MDM2: variants seen among roughly 807,000 people sequenced by gnomAD.
MDM2 encodes E3 ubiquitin-protein ligase Mdm2.
MDM2 carries 11 observed loss-of-function variants against 64.3 expected under a neutral mutation model. The observed-to-expected ratio is 0.17, with a 90% CI of 0.11 to 0.28. The LOEUF is 0.28. MDM2 is among the 10% of genes least tolerant of loss of function. The pLI, the probability that MDM2 is intolerant of heterozygous loss-of-function variation, is 1.00. For synonymous variants in MDM2, 194 were observed against 192.9 expected (o/e 1.01, Z -0.05); for missense variants, 388 against 577.1 (o/e 0.67, Z 3.36).
At chr12:68,838,145 T>A (rs1883458916) in intron 10 of MDM2, among the ~76,000 whole-genome samples, 1 of 152,186 alleles carries the variant, frequency 6.6e-6, no homozygotes, top group Admixed American at 6.5e-5. Flanking sequence ...CTTCTATAAC[T>A]TGAAAAAAGA....
intron 10 of MDM2, among the ~76,000 whole-genome samples, chr12:68,838,820 A>G (rs368908488): frequency 5.1e-4 from 77 of 152,324 alleles, no homozygotes; most frequent in African/African-American, 1.7e-3. Flanking sequence ...CACAGTTAAT[A>G]TATTTTTAGT....
intron 2 of MDM2, among the ~76,000 whole-genome samples, chr12:68,812,621 A>C (rs1881003762): frequency 6.6e-6 from 1 of 152,082 alleles, no homozygotes; most frequent in African/African-American, 2.4e-5. Flanking sequence ...TTAGTTTTTA[A>C]ATTTTTTTTG....
In MDM2 at chr12:68,842,830, A is replaced by G. The variant is rs1188175928; in HGVS notation, c.*2981A>G. On this transcript the variant is annotated 3_prime_UTR_variant, in exon 11 of 11. Coordinates refer to ENST00000258149, the MANE Select transcript of MDM2 (RefSeq NM_002392.6). ...ATTTTAATATTTCTTATTTTGGTTT[A>G]TTAGTGTCTTAGAACAAAATGGCCT... 1 of 201,972 alleles carries G rather than the reference A, an allele frequency of 5.0e-6. No homozygotes were observed. The highest frequency in any genetic ancestry group is 1.0e-5 in the Non-Finnish European group (1 of 98,174). 12.5% of individuals were successfully genotyped at this position (201,972 alleles called of 1,614,324 possible).
chr12:68,842,136 A>G lies in MDM2; in HGVS notation c.*2287A>G. Reference sequence around the variant, plus strand: ...TGGATTTGAATTTGAAAAATATAGTAACAAGCCTGTCAAATATCTGCAAGA... The same window carrying G: ...TGGATTTGAATTTGAAAAATATAGTGACAAGCCTGTCAAATATCTGCAAGA... On this transcript the variant is annotated 3_prime_UTR_variant, in exon 11 of 11. Transcript: ENST00000258149. 1 of 455,780 alleles carries G rather than the reference A, an allele frequency of 2.2e-6. No individual in the cohort carries two copies. The highest frequency in any genetic ancestry group is 4.2e-6 in the Non-Finnish European group (1 of 235,428). 28.2% of individuals were successfully genotyped at this position (455,780 alleles called of 1,614,324 possible).
chr12:68,815,433 C>CTTTTTTTTTT (rs58178593), intron 3 of MDM2, among the ~76,000 whole-genome samples: 83 of 93,058 alleles, frequency 8.9e-4, no homozygotes, highest in African/African-American at 3.2e-3. Flanking sequence ...GTTTCTTCTT[C>CTTTTTTTTTT]TTTTTTTTTT....
At position 68,824,616 on chromosome 12, in the gene MDM2, C is replaced by G. The variant is rs1340897471; in HGVS notation, c.488C>G (p.Ser163Cys). ...TCTTCACATTTGGTTTCTAGACCAT[C>G]TACCTCATCTAGAAGGAGAGCAATT... ...PSSSHLVSRPSTSSRRRAISE... is the reference protein window; with the variant it reads ...PSSSHLVSRPCTSSRRRAISE... Residue 163 changes from serine (S) to cysteine (C), a missense_variant, in exon 7 of 11, where the codon TCT (serine) becomes TGT (cysteine). Ser to Cys is a moderately radical substitution (Grantham distance 112, BLOSUM62 -1). Coordinates refer to ENST00000258149, the MANE Select transcript of MDM2 (RefSeq NM_002392.6). The G allele has an allele frequency of 1.1e-5, 18 of 1,612,336 alleles. No homozygotes were observed. Among genetic ancestry groups the G allele is most frequent in the Non-Finnish European group, 1.4e-5 (17 of 1,179,176 alleles).
intron 2 of MDM2, 64 bp from the exon 3 acceptor site, chr12:68,813,490 G>A: frequency 1.8e-6 from 2 of 1,089,228 alleles, no homozygotes; most frequent in South Asian, 1.4e-5. Context: ...GGATATGTTT[G>A]CTGCAGGGCC....
Position 68,839,633 on chromosome 12 carries a change from A to G in MDM2, c.1278A>G (p.Gln426=). The G allele has an allele frequency of 6.2e-7, 1 of 1,613,934 alleles. No homozygotes were observed. The highest frequency in any genetic ancestry group is 2.2e-5 in the East Asian group (1 of 44,860). The change falls in exon 11 of 11, where the codon CAA becomes CAG. Residue 426 remains glutamine (Q), a synonymous_variant. Coordinates refer to ENST00000258149, the MANE Select transcript of MDM2 (RefSeq NM_002392.6). ...DVKEFEREET[Q]DKEESVESSL... is the part of the protein sequence containing the mutation. ...AAGAGTTTGAAAGGGAAGAAACCCA[A>G]GACAAAGAAGAGAGTGTGGAATCTA...
chr12:68,813,018 A>G (rs967643878), intron 2 of MDM2, among the ~76,000 whole-genome samples: 1 of 151,884 alleles, frequency 6.6e-6, no homozygotes, highest in African/African-American at 2.4e-5. Context: ...TCAAGTAGAT[A>G]TTTGAAATGT....
rs1379580720 is a variant in MDM2, at chr12:68,824,343, T to TC, written c.359-18dup. On this transcript the variant is annotated intron_variant, in intron 5 of 10. Coordinates refer to ENST00000258149, the MANE Select transcript of MDM2 (RefSeq NM_002392.6). ...CCCCCGCCCACCACCAAGTTTCTGATCCTTTTTCTTTTCTCTCAGAATCAT... is the reference window on the plus strand; with the variant it reads ...CCCCCGCCCACCACCAAGTTTCTGATCCCTTTTTCTTTTCTCTCAGAATCAT... 4 of 1,607,134 alleles carry TC rather than the reference T, an allele frequency of 2.5e-6. No individual in the cohort carries two copies. The highest frequency in any genetic ancestry group is 3.4e-6 in the Non-Finnish European group (4 of 1,175,324).
At chr12:68,836,199 C>T (rs1883295131) in intron 9 of MDM2, among the ~76,000 whole-genome samples, 1 of 152,002 alleles carries the variant, frequency 6.6e-6, no homozygotes, top group South Asian at 2.1e-4. Context: ...GCCAAGAAGT[C>T]AATAGACCTC....
intron 5 of MDM2, among the ~76,000 whole-genome samples, chr12:68,822,091 A>G (rs1881905643): frequency 6.6e-6 from 1 of 152,110 alleles, no homozygotes; most frequent in Non-Finnish European, 1.5e-5. Flanking sequence ...AGCTCAAGAG[A>G]TATTCTCACC....
chr12:68,817,269 A>G (rs1224914421), intron 4 of MDM2, among the ~76,000 whole-genome samples: 3 of 152,236 alleles, frequency 2.0e-5, no homozygotes, highest in Non-Finnish European at 2.9e-5. Context: ...CGTTGTATAA[A>G]AAAGCATAGT....
chr12:68,819,616 T>G (rs1881682288), intron 4 of MDM2, among the ~76,000 whole-genome samples: 1 of 152,204 alleles, frequency 6.6e-6, no homozygotes, highest in African/African-American at 2.4e-5. Flanking sequence ...CTCAGTCTCC[T>G]GAGTAGCTGG....
At chr12:68,809,142 T>G in intron 1 of MDM2, 66 bp from the exon 2 acceptor site, 1 of 1,597,868 alleles carries the variant, frequency 6.3e-7, no homozygotes, top group South Asian at 1.1e-5. Context: ...GTTCTTTATA[T>G]ATGATGTATT....
chr12:68,846,494 C>T (rs1795474), downstream of MDM2: 51,515 of 151,908 alleles, frequency 0.34, 9,494 homozygotes, highest in Non-Finnish European at 0.42. Flanking sequence ...TGGTTCACAC[C>T]TCCCCAGCCC....
intron 9 of MDM2, 48 bp downstream of exon 9, chr12:68,836,032 T>C (rs759510005): frequency 6.9e-7 from 1 of 1,442,646 alleles, no homozygotes; most frequent in South Asian, 1.4e-5. Flanking sequence ...TATTAAATAT[T>C]TTCTATGTTC....
chr12:68,809,411 TAA>T, intron 2 of MDM2, 119 bp downstream of exon 2: 1 of 897,568 alleles, frequency 1.1e-6, no homozygotes, highest in South Asian at 1.4e-5. Context: ...GTGCATAGCT[TAA>T]AGTGTGCTAC....
At chr12:68,822,229 A>T (rs1254358917) in intron 5 of MDM2, among the ~76,000 whole-genome samples, 1 of 152,166 alleles carries the variant, frequency 6.6e-6, no homozygotes, top group Non-Finnish European at 1.5e-5. Flanking sequence ...GTGTTTTATT[A>T]ATATGGTATT....
Sources: allele counts gnomAD v4.1 joint callset (sites outside exome capture counted in the v4.1 genomes callset), GRCh38; gene constraint gnomAD v4.1.1; transcripts MANE v1.5; gene names NCBI Gene and HGNC (gene_info 2026-07-23, HGNC 2026-07-21).